ZBTB16: variants seen among roughly 807,000 people sequenced by gnomAD.
ZBTB16 encodes zinc finger and BTB domain containing 16.
A neutral mutation model predicts 56.8 loss-of-function variants in ZBTB16; 8 were observed. That is an observed-to-expected ratio of 0.14 (90% CI 0.08 to 0.25). The LOEUF (loss-of-function observed/expected upper bound fraction) is 0.25. Among genes scored for constraint, ZBTB16 ranks in the 10% least tolerant of loss-of-function variants. The probability of loss-of-function intolerance (pLI) is 1.00; values close to 1 mark genes in which losing one functional copy is unlikely to be tolerated. For missense variants in ZBTB16, 625 were observed against 903.0 expected (o/e 0.69, Z 3.95); for synonymous variants, 363 against 368.5 (o/e 0.98, Z 0.17).
At chr11:114,193,445 C>T (rs1214813394) in intron 4 of ZBTB16, among the ~76,000 whole-genome samples, 1 of 152,114 alleles carries the variant, frequency 6.6e-6, no homozygotes, top group East Asian at 1.9e-4. Context: ...GATACAACAG[C>T]AGTTTTACCC....
At chr11:114,128,859 C>G (rs1277477896) in intron 2 of ZBTB16, among the ~76,000 whole-genome samples, 1 of 152,206 alleles carries the variant, frequency 6.6e-6, no homozygotes, top group Non-Finnish European at 1.5e-5. Flanking sequence ...TGAAGCAGCC[C>G]AGAGGCGGCT....
At chr11:114,146,142 C>A (rs536068829) in intron 2 of ZBTB16, among the ~76,000 whole-genome samples, 1 of 152,216 alleles carries the variant, frequency 6.6e-6, no homozygotes, top group South Asian at 2.1e-4. Context: ...GCTTGCCTTC[C>A]CTGTAGAAGG....
At chr11:114,141,116 G>T (rs1189255762) in intron 2 of ZBTB16, among the ~76,000 whole-genome samples, 1 of 152,186 alleles carries the variant, frequency 6.6e-6, no homozygotes, top group Non-Finnish European at 1.5e-5. Context: ...GATAAGCCAG[G>T]CCAGCCTCCT....
At chr11:114,245,180 G>A (rs1000373029) in intron 5 of ZBTB16, among the ~76,000 whole-genome samples, 1 of 152,164 alleles carries the variant, frequency 6.6e-6, no homozygotes, top group Non-Finnish European at 1.5e-5. Flanking sequence ...GATGGGGCTG[G>A]GGGCCAGGCA....
rs117134989 is a variant in ZBTB16, at chr11:114,117,797, G to A, written c.1269-38540G>A. 4.0e-3 allele frequency among the ~76,000 whole-genome samples: 610 copies of A among 152,294 alleles called. 2 individuals carry two copies. Among genetic ancestry groups the A allele is most frequent in the Non-Finnish European group, 6.8e-3 (461 of 68,028 alleles). On this transcript the variant is annotated intron_variant, in intron 2 of 6. Transcript: ENST00000335953. The stretch of plus-strand genomic sequence containing the variant: ...TTCATTGAGTTCTGATGATATTTTA[G>A]CATGAACAAGAATGAGAAGTATCTT...
chr11:114,193,809 A>G (rs1201196085), intron 4 of ZBTB16, among the ~76,000 whole-genome samples: 2 of 152,166 alleles, frequency 1.3e-5, no homozygotes, highest in African/African-American at 2.4e-5. Context: ...GGGACAGTAA[A>G]AATACTGCCA....
At chr11:114,159,939 G>GGT (rs1555145929) in intron 3 of ZBTB16, among the ~76,000 whole-genome samples, 1 of 149,324 alleles carries the variant, frequency 6.7e-6, no homozygotes, top group Admixed American at 6.6e-5. Flanking sequence ...GGGGGAGGCG[G>GGT]GGGGGAGGCG....
chr11:114,205,114 GA>G (rs1386452146), intron 4 of ZBTB16, among the ~76,000 whole-genome samples: 6 of 151,462 alleles, frequency 4.0e-5, no homozygotes, highest in African/African-American at 4.9e-5. Flanking sequence ...AAAGGCATTT[GA>G]AAAAAAAATT....
At chr11:114,106,225 T>C (rs1212660116) in intron 2 of ZBTB16, among the ~76,000 whole-genome samples, 1 of 152,104 alleles carries the variant, frequency 6.6e-6, no homozygotes, top group Non-Finnish European at 1.5e-5. Flanking sequence ...TTCTGAAGTG[T>C]TCCGTAGCTT....
At chr11:114,230,580 T>C (rs1944419658) in intron 4 of ZBTB16, among the ~76,000 whole-genome samples, 1 of 137,342 alleles carries the variant, frequency 7.3e-6, no homozygotes, top group East Asian at 2.4e-4. Context: ...TCCTTTTAAT[T>C]GTTGACAGTA....
At chr11:114,232,507 C>T (rs991354531) in intron 4 of ZBTB16, among the ~76,000 whole-genome samples, 2 of 152,176 alleles carry the variant, frequency 1.3e-5, no homozygotes, top group African/African-American at 2.4e-5. Context: ...GTCCATCATT[C>T]TCCCAGCCTG....
intron 4 of ZBTB16, among the ~76,000 whole-genome samples, chr11:114,225,288 G>A (rs866016621): frequency 6.6e-6 from 1 of 152,144 alleles, no homozygotes; most frequent in Admixed American, 6.5e-5. Context: ...TAGAGATAGA[G>A]CTCTTCTTGG....
chr11:114,213,617 C>T (rs958829202), intron 4 of ZBTB16, among the ~76,000 whole-genome samples: 1 of 152,212 alleles, frequency 6.6e-6, no homozygotes, highest in Admixed American at 6.5e-5. Flanking sequence ...TTATTTGGTC[C>T]TCATATTAAC....
At chr11:114,086,851 A>C (rs749391039) in intron 2 of ZBTB16, among the ~76,000 whole-genome samples, 5 of 152,166 alleles carry the variant, frequency 3.3e-5, no homozygotes, top group Non-Finnish European at 5.9e-5. Context: ...GTGCAAAAGT[A>C]ATTGCTATTT....
At chr11:114,174,772 T>C in intron 3 of ZBTB16, among the ~76,000 whole-genome samples, 1 of 152,230 alleles carries the variant, frequency 6.6e-6, no homozygotes. Context: ...TGCTGACAAT[T>C]GGCTGTAAGC....
intron 2 of ZBTB16, among the ~76,000 whole-genome samples, chr11:114,129,315 TGATCCGTGGCGCA>T (rs1469244034): frequency 2.0e-5 from 3 of 152,262 alleles, no homozygotes; most frequent in African/African-American, 7.2e-5. Flanking sequence ...TGAGTACATT[TGATCCGTGGCGCA>T]GCCACCGGAG....
chr11:114,203,000 T>G (rs985250602), intron 4 of ZBTB16, among the ~76,000 whole-genome samples: 6 of 152,348 alleles, frequency 3.9e-5, no homozygotes, highest in African/African-American at 1.4e-4. Flanking sequence ...AAAAACTTAC[T>G]CATGAACATT....
intron 4 of ZBTB16, among the ~76,000 whole-genome samples, chr11:114,226,912 C>T (rs1944337071): frequency 6.6e-6 from 1 of 152,184 alleles, no homozygotes; most frequent in Non-Finnish European, 1.5e-5. Context: ...CTCTCTCCCT[C>T]CCCAAATAGC....
chr11:114,144,703 T>C (rs756906450), intron 2 of ZBTB16, among the ~76,000 whole-genome samples: 7 of 152,216 alleles, frequency 4.6e-5, no homozygotes, highest in Non-Finnish European at 8.8e-5. Context: ...GGGATATTTT[T>C]GTTCATGCGT....
Sources: allele counts gnomAD v4.1 joint callset (sites outside exome capture counted in the v4.1 genomes callset), GRCh38; gene constraint gnomAD v4.1.1; transcripts MANE v1.5; gene names NCBI Gene and HGNC (gene_info 2026-07-23, HGNC 2026-07-21).